GOLGA3: variants seen among roughly 807,000 people sequenced by gnomAD.
The protein encoded by GOLGA3 is golgin subfamily A member 3.
In GOLGA3, 75 loss-of-function variants were observed where a neutral mutation model predicts 169.4. The observed-to-expected ratio is 0.44, with a 90% CI of 0.37 to 0.54. The LOEUF (loss-of-function observed/expected upper bound fraction) is 0.54, where lower values mean the gene tolerates loss of function less well. Ranked by LOEUF, GOLGA3 falls within the 20% of genes least tolerant of loss-of-function variation. GOLGA3 has a pLI of 0.00. For missense variants in GOLGA3, 1,899 were observed against 1,930.0 expected (o/e 0.98, Z 0.30); for synonymous variants, 824 against 822.4 (o/e 1.00, Z -0.03).
intron 3 of GOLGA3, among the ~76,000 whole-genome samples, chr12:132,814,609 A>G (rs1031789201): frequency 2.0e-5 from 3 of 152,172 alleles, no homozygotes; most frequent in African/African-American, 7.2e-5. Context: ...CTGCAGTAAC[A>G]AGTCACATTA....
In GOLGA3 at chr12:132,781,435, T is replaced by C. The variant is rs571732385; in HGVS notation, c.3466-521A>G. ...TTAGCTGGGCGCGGTGGTGCACGCC[T>C]GTAGTCCCAGCTATACCAGAGGCTG... On this transcript the variant is annotated intron_variant, in intron 17 of 23. Coordinates refer to ENST00000450791, the MANE Select transcript of GOLGA3 (RefSeq NM_001389683.1). Among the ~76,000 whole-genome samples the C allele has an allele frequency of 3.3e-5, 5 of 152,276 alleles. No homozygotes were observed. In the East Asian group the frequency reaches 7.7e-4, roughly 23 times the overall value.
Position 132,822,318 on chromosome 12 carries a change from G to A in GOLGA3, c.-183-7C>T. ...CCAGCTAATATCATGATACCTGACAGGAGAGAGAGACAAAATGTATTATGA... is the reference window on the plus strand; with the variant it reads ...CCAGCTAATATCATGATACCTGACAAGAGAGAGAGACAAAATGTATTATGA... On this transcript the variant is annotated splice_region_variant and splice_polypyrimidine_tract_variant and intron_variant, in intron 1 of 23. Coordinates refer to ENST00000450791, the MANE Select transcript of GOLGA3 (RefSeq NM_001389683.1). 7.6e-7 allele frequency: 1 copy of A among 1,307,712 alleles called. No homozygotes were observed. Among genetic ancestry groups the A allele is most frequent in the Non-Finnish European group, 9.8e-7 (1 of 1,022,348 alleles). The allele number at this position is 1,307,712 out of a possible 1,614,324, so 81.0% of individuals were successfully genotyped here.
intron 4 of GOLGA3, chr12:132,811,789 T>A (rs959395875): frequency 1.1e-6 from 1 of 883,704 alleles, no homozygotes; most frequent in East Asian, 1.2e-4. Context: ...AACATAACCT[T>A]AAAGGTATAA....
At chr12:132,775,092 C>A in intron 22 of GOLGA3, 49 bp downstream of exon 22, 1 of 1,548,972 alleles carries the variant, frequency 6.5e-7, no homozygotes. Context: ...TGTCCGAGAG[C>A]ATCTACAGCG....
intron 1 of GOLGA3, chr12:132,825,803 C>T (rs1950387938): frequency 6.5e-6 from 8 of 1,229,820 alleles, no homozygotes; most frequent in South Asian, 3.6e-5. Context: ...GAAGCTCCTG[C>T]GGTACTACAA....
In GOLGA3 at chr12:132,803,604, G is replaced by A. The variant is rs142052826; in HGVS notation, c.1597+1112C>T. Among the ~76,000 whole-genome samples the A allele has an allele frequency of 4.8e-3, 732 of 152,244 alleles. 3 individuals are homozygous for A. Among genetic ancestry groups the A allele is most frequent in the African/African-American group, 0.017 (691 of 41,530 alleles). ...TTTCATGGTTTTTCCTAAGGGATTGGGTATCACGAAATGCTCAAGGACTAA... is the reference window on the plus strand; with the variant it reads ...TTTCATGGTTTTTCCTAAGGGATTGAGTATCACGAAATGCTCAAGGACTAA... On this transcript the variant is annotated intron_variant, in intron 7 of 23. Coordinates refer to ENST00000450791, the MANE Select transcript of GOLGA3 (RefSeq NM_001389683.1).
intron 8 of GOLGA3, among the ~76,000 whole-genome samples, chr12:132,799,014 C>T (rs771950810): frequency 3.3e-5 from 5 of 152,192 alleles, no homozygotes; most frequent in Admixed American, 6.5e-5. Flanking sequence ...CTGAGGAGGA[C>T]GGCGTCAGCC....
In GOLGA3 at chr12:132,804,268, C is replaced by T. The variant is rs931064187; in HGVS notation, c.1597+448G>A. ...TGTGGAATAAGTGGGCAGCTCTATA[C>T]TCCCAAATAACACTGGACTTTTGAG... On this transcript the variant is annotated intron_variant, in intron 7 of 23. Coordinates refer to ENST00000450791, the MANE Select transcript of GOLGA3 (RefSeq NM_001389683.1). The surrounding 1 kb of genome is among the most constrained non-coding windows in gnomAD (Gnocchi z 4.1). 6.6e-6 allele frequency among the ~76,000 whole-genome samples: 1 copy of T among 152,202 alleles called. No homozygotes were observed. The highest frequency in any genetic ancestry group is 6.5e-5 in the Admixed American group (1 of 15,278).
At position 132,807,908 on chromosome 12, in the gene GOLGA3, TCTCCGA is replaced by T. The variant is rs1949496077; in HGVS notation, c.1155_1160del (p.Ser385_Arg386del). ...CCCACCACCTGCTGCAGATGCTGTC[TCTCCGA>T]CTCCGCACCTCCCCGTTGACCTCCT... On this transcript the variant is annotated inframe_deletion, in exon 5 of 24. Coordinates refer to ENST00000450791, the MANE Select transcript of GOLGA3 (RefSeq NM_001389683.1). 6.3e-7 allele frequency: 1 copy of T among 1,575,118 alleles called. No individual in the cohort carries two copies.
rs185061434 is a variant in GOLGA3 at position 132,786,805 on chromosome 12, G to A, written c.2812-18C>T. 1.3e-5 allele frequency: 20 copies of A among 1,549,404 alleles called. No individual in the cohort carries two copies. The highest frequency in any genetic ancestry group is 4.5e-5 in the South Asian group (4 of 89,866). On this transcript the variant is annotated intron_variant, in intron 13 of 23. Coordinates refer to ENST00000450791, the MANE Select transcript of GOLGA3 (RefSeq NM_001389683.1). ...TGCAACGACTGTGGAAGGGAAGGAG[G>A]GCGTGAGGAGCGGCACTGCCACCCC...
At chr12:132,779,753 C>T (rs1270368675) in intron 18 of GOLGA3, among the ~76,000 whole-genome samples, 1 of 138,492 alleles carries the variant, frequency 7.2e-6, no homozygotes, top group African/African-American at 2.7e-5. Context: ...GCACACACAC[C>T]ACAGCCCTTG....
chr12:132,823,108 G>C (rs1389095314), intron 1 of GOLGA3, among the ~76,000 whole-genome samples: 1 of 152,212 alleles, frequency 6.6e-6, no homozygotes, highest in African/African-American at 2.4e-5. Context: ...GGGTGTACAA[G>C]GACACCAGAA....
intron 4 of GOLGA3, among the ~76,000 whole-genome samples, chr12:132,812,359 TAGTTTTGACTTTCA>T (rs1949762891): frequency 6.6e-6 from 1 of 152,178 alleles, no homozygotes; most frequent in South Asian, 2.1e-4. Context: ...GATCAAGGAC[TAGTTTTGACTTTCA>T]AGTCTTATTA....
intron 13 of GOLGA3, among the ~76,000 whole-genome samples, chr12:132,788,713 C>T (rs919786999): frequency 1.9e-4 from 29 of 152,302 alleles, no homozygotes; most frequent in African/African-American, 6.7e-4. Context: ...TGCTAGATCC[C>T]GGGAGCCCAT....
chr12:132,817,512 G>A (rs866033382), intron 2 of GOLGA3, among the ~76,000 whole-genome samples: 10 of 17,500 alleles, frequency 5.7e-4, no homozygotes, highest in African/African-American at 1.5e-3. Flanking sequence ...AGGTGAACCC[G>A]CACTCCACAC....
At chr12:132,824,089 C>T (rs1376996839) in intron 1 of GOLGA3, among the ~76,000 whole-genome samples, 1 of 152,068 alleles carries the variant, frequency 6.6e-6, no homozygotes, top group Non-Finnish European at 1.5e-5. Context: ...TCTCAAAAAA[C>T]AAAAAACAAC....
chr12:132,773,065 C>G lies in GOLGA3; in HGVS notation c.*40G>C, dbSNP rs1468220515. 2 of 1,337,952 alleles carry G rather than the reference C, an allele frequency of 1.5e-6. No homozygotes were observed. The highest frequency in any genetic ancestry group is 1.4e-5 in the South Asian group (1 of 72,800). 82.9% of individuals were successfully genotyped at this position (1,337,952 alleles called of 1,614,324 possible). On this transcript the variant is annotated 3_prime_UTR_variant, in exon 24 of 24. Transcript: ENST00000450791. The stretch of plus-strand genomic sequence containing the variant: ...ATCAAATAAATAACATTGATAAGAG[C>G]CTTCTGGGGCAGCGGCGCACGGAGG...
intron 4 of GOLGA3, 78 bp downstream of exon 4, chr12:132,813,229 C>G: frequency 1.1e-6 from 1 of 928,832 alleles, no homozygotes. Flanking sequence ...AATGGCAGGT[C>G]CCCGGGTTAT....
intron 8 of GOLGA3, among the ~76,000 whole-genome samples, chr12:132,799,688 C>A (rs913509722): frequency 2.6e-5 from 4 of 152,042 alleles, no homozygotes; most frequent in Middle Eastern, 3.4e-3. Context: ...TGCTTTAAAG[C>A]TTCCTCTCTT....
Sources: gnomAD v4.1 joint callset for allele counts (sites outside exome capture counted in the v4.1 genomes callset) on GRCh38, gnomAD v4.1.1 for gene constraint, Gnocchi (gnomAD v3.1) non-coding constraint, MANE v1.5 for transcripts, NCBI Gene and HGNC (gene_info 2026-07-23, HGNC 2026-07-21) for gene names.